The following IL27 variants were observed in gnomAD, a reference collection of about 807,000 sequenced individuals.
IL27 encodes interleukin 27, also known as interleukin-27 subunit alpha.
IL27 carries 11 observed loss-of-function variants against 27.0 expected under a neutral mutation model. That is an observed-to-expected ratio of 0.41 (90% CI 0.26 to 0.67). The LOEUF (loss-of-function observed/expected upper bound fraction) is 0.67. Ranked by LOEUF, IL27 falls within the 30% of genes least tolerant of loss-of-function variation. The probability of loss-of-function intolerance (pLI) is 0.34; values close to 1 mark genes in which losing one functional copy is unlikely to be tolerated. For synonymous variants in IL27, 134 were observed against 140.6 expected (o/e 0.95, Z 0.33); for missense variants, 299 against 310.4 (o/e 0.96, Z 0.28).
intron 1 of IL27, among the ~76,000 whole-genome samples, chr16:28,504,642 T>G (rs568503502): frequency 1.3e-5 from 2 of 151,090 alleles, no homozygotes; most frequent in African/African-American, 4.9e-5. Flanking sequence ...TGGAGTGTAG[T>G]GGTGTGATCA....
At chr16:28,503,419 C>G (rs2046444449) in intron 3 of IL27, among the ~76,000 whole-genome samples, 1 of 152,074 alleles carries the variant, frequency 6.6e-6, no homozygotes, top group Admixed American at 6.6e-5. Context: ...CTGGCTAACT[C>G]TTAAATTTTT....
At position 28,499,796 on chromosome 16, in the gene IL27, G is replaced by A. The variant is rs779787619; in HGVS notation, c.587C>T (p.Ser196Phe). 30 of 1,609,338 alleles carry A rather than the reference G, an allele frequency of 1.9e-5. No individual in the cohort carries two copies. Among genetic ancestry groups the A allele is most frequent in the Non-Finnish European group, 2.2e-5 (26 of 1,178,072 alleles). The change falls in exon 5 of 5, where the codon TCC becomes TTC. Residue 196 changes from serine (S) to phenylalanine (F), a missense_variant. Physicochemically the swap from Ser to Phe is radical, Grantham distance 155 (BLOSUM62 -2). Transcript: ENST00000356897. ...GTAGGTGGAGAGGAGCTGGGGCCAGGACACCTGGGCCGGGCCCTGTAAGGC... is the reference window on the plus strand; with the variant it reads ...GTAGGTGGAGAGGAGCTGGGGCCAGAACACCTGGGCCGGGCCCTGTAAGGC... ...GSALQGPAQV[S>F]WPQLLSTYRL...
intron 4 of IL27, 89 bp downstream of exon 4, chr16:28,501,885 TCA>T (rs942309183): frequency 2.1e-6 from 3 of 1,430,250 alleles, no homozygotes; most frequent in African/African-American, 1.4e-5. Context: ...ACTCTCACAC[TCA>T]CACACACTCA....
At chr16:28,504,079 CAG>C (rs1183566487) in intron 1 of IL27, 29 bp from the exon 2 acceptor site, 8 of 1,561,758 alleles carry the variant, frequency 5.1e-6, no homozygotes, top group Middle Eastern at 1.7e-4. Context: ...GGTGGCAAGA[CAG>C]GGAGAGAGCT....
rs1008983364 is a variant in IL27 at position 28,499,419 on chromosome 16, C to T, written c.*232G>A. On this transcript the variant is annotated 3_prime_UTR_variant, in exon 5 of 5. Coordinates refer to ENST00000356897, the MANE Select transcript of IL27 (RefSeq NM_145659.3). ...GGGGGCTTGGCCCGAGGAGGACCAT[C>T]GGGCCCCAAGACAATAAATAAACCA... The T allele has an allele frequency of 2.0e-5, 10 of 508,784 alleles. No individual in the cohort carries two copies. The highest frequency in any genetic ancestry group is 7.6e-5 in the African/African-American group (4 of 52,670). 31.5% of individuals were successfully genotyped at this position (508,784 alleles called of 1,614,324 possible). A position where few individuals can be genotyped will look rare whatever the true frequency, so the allele number is the denominator to read the frequency against.
intron 1 of IL27, 136 bp downstream of exon 1, chr16:28,506,645 C>T: frequency 1.1e-6 from 1 of 884,076 alleles, no homozygotes; most frequent in South Asian, 1.7e-5. Context: ...CCTCCCTTCC[C>T]ATGCAGCAGC....
chr16:28,501,503 GTCACAC>G (rs2046429163), intron 4 of IL27, among the ~76,000 whole-genome samples: 3 of 109,870 alleles, frequency 2.7e-5, no homozygotes, highest in Admixed American at 1.9e-4. Flanking sequence ...CACACTCACA[GTCACAC>G]TCACACACGG....
rs1198190228 is a variant in IL27 at position 28,502,046 on chromosome 16, T to C, written c.392A>G (p.Asn131Ser). The change falls in exon 4 of 5, where the codon AAC becomes AGC. Residue 131 changes from asparagine to serine, a missense_variant. Transcript: ENST00000356897. ...GGCCCACAGCTGCATCCTCTCCATG[T>C]TGGTCCAGCGGCCCTGGGTCCCCAG... ...GGLGTQGRWT[N>S]MERMQLWAMR... The C allele has an allele frequency of 1.9e-6, 3 of 1,613,448 alleles. No individual in the cohort carries two copies. The highest frequency in any genetic ancestry group is 1.3e-5 in the African/African-American group (1 of 74,916).
intron 3 of IL27, 110 bp from the exon 4 acceptor site, chr16:28,502,244 TC>T: frequency 1.0e-6 from 1 of 1,003,768 alleles, no homozygotes; most frequent in Non-Finnish European, 1.4e-6. Flanking sequence ...CAGCCTCCAG[TC>T]CATCCCTGTA....
At chr16:28,501,521 C>T (rs542617190) in intron 4 of IL27, among the ~76,000 whole-genome samples, 148 of 150,320 alleles carry the variant, frequency 9.8e-4, no homozygotes, top group African/African-American at 3.1e-3. Context: ...CACACACGGA[C>T]GCACATACAC....
chr16:28,504,158 C>A, intron 1 of IL27, 108 bp from the exon 2 acceptor site: 8 of 1,159,662 alleles, frequency 6.9e-6, no homozygotes, highest in Non-Finnish European at 9.6e-6. Flanking sequence ...GGCACTTTGA[C>A]CAGCATCATT....
intron 3 of IL27, among the ~76,000 whole-genome samples, chr16:28,502,534 T>C (rs1363292416): frequency 1.3e-5 from 2 of 151,494 alleles, no homozygotes; most frequent in African/African-American, 4.9e-5. Context: ...GTGCCCAGAC[T>C]CACTCTTTCC....
intron 4 of IL27, among the ~76,000 whole-genome samples, 186 bp from the exon 5 acceptor site, chr16:28,500,106 C>T (rs531176239): frequency 6.6e-6 from 1 of 152,288 alleles, no homozygotes; most frequent in East Asian, 1.9e-4. Context: ...TCTTTCAGTT[C>T]GAGAAAATGG....
At chr16:28,506,615 C>T (rs2046462311) in intron 1 of IL27, among the ~76,000 whole-genome samples, 166 bp downstream of exon 1, 1 of 152,054 alleles carries the variant, frequency 6.6e-6, no homozygotes, top group Admixed American at 6.6e-5. Flanking sequence ...CTGCCCCAGG[C>T]CCCCACCCAG....
rs2046448385 is a variant in IL27, at chr16:28,504,016, A to G, written c.66T>C (p.Val22=). ...LSLLLLPLLL[V]QAGVWGFPRP... ...TTGGGAATCCCCAGACACCAGCTTGAACCAGGAGCAAGGGAAGCAGCAACA... is the reference window on the plus strand; with the variant it reads ...TTGGGAATCCCCAGACACCAGCTTGGACCAGGAGCAAGGGAAGCAGCAACA... The change falls in exon 2 of 5, where the codon GTT becomes GTC. Residue 22 remains valine, a synonymous_variant. Transcript: ENST00000356897. 6.2e-7 allele frequency: 1 copy of G among 1,611,600 alleles called. No homozygotes were observed. Among genetic ancestry groups the G allele is most frequent in the South Asian group, 1.1e-5 (1 of 90,786 alleles).
At chr16:28,501,616 C>A (rs1378389917) in intron 4 of IL27, among the ~76,000 whole-genome samples, 1 of 151,400 alleles carries the variant, frequency 6.6e-6, no homozygotes, top group Non-Finnish European at 1.5e-5. Flanking sequence ...TACACTCACA[C>A]AGACCCACAC....
At chr16:28,501,847 ACACT>A in intron 4 of IL27, 125 bp downstream of exon 4, 1 of 1,115,688 alleles carries the variant, frequency 9.0e-7, no homozygotes, top group Non-Finnish European at 1.3e-6. Context: ...ATGAACCCAC[ACACT>A]CATGGACACT....
chr16:28,503,238 A>G (rs539087641), intron 3 of IL27, among the ~76,000 whole-genome samples: 2 of 152,166 alleles, frequency 1.3e-5, no homozygotes, highest in South Asian at 4.1e-4. Context: ...GATTACAGGC[A>G]TGAGCCACCA....
intron 4 of IL27, among the ~76,000 whole-genome samples, chr16:28,500,554 C>T (rs537691252): frequency 2.0e-5 from 3 of 151,852 alleles, no homozygotes; most frequent in East Asian, 3.9e-4. Flanking sequence ...GGATTCCAGG[C>T]GTGAGCCACC....
Sources: gnomAD v4.1 joint callset for allele counts (sites outside exome capture counted in the v4.1 genomes callset) on GRCh38, gnomAD v4.1.1 for gene constraint, MANE v1.5 for transcripts, NCBI Gene and HGNC (gene_info 2026-07-23, HGNC 2026-07-21) for gene names.